PTN: variants seen among roughly 807,000 people sequenced by gnomAD.
The protein encoded by PTN is pleiotrophin.
PTN carries 18 observed loss-of-function variants against 24.1 expected under a neutral mutation model. The ratio of observed to expected loss-of-function variants is 0.75; its 90% confidence interval spans 0.52 to 1.11. PTN has a LOEUF of 1.11. PTN is among the 50% of genes least tolerant of loss of function. The pLI is 0.00. For synonymous variants in PTN, 78 were observed against 68.6 expected, an observed-to-expected ratio of 1.14 and a Z score of -0.67; for missense variants, 163 against 198.8, an observed-to-expected ratio of 0.82 and a Z score of 1.08.
At chr7:137,289,902 A>G (rs1164467549) in intron 1 of PTN, among the ~76,000 whole-genome samples, 2 of 152,210 alleles carry the variant, frequency 1.3e-5, no homozygotes, top group Non-Finnish European at 2.9e-5. Flanking sequence ...TGCGTTAATC[A>G]TAAGAATCGT....
At chr7:137,238,437 T>G (rs1808562343) in intron 4 of PTN, among the ~76,000 whole-genome samples, 1 of 152,188 alleles carries the variant, frequency 6.6e-6, no homozygotes, top group Non-Finnish European at 1.5e-5. Context: ...GTTTTCAGAG[T>G]AATTTTTATA....
chr7:137,257,718 C>A (rs918383998), intron 1 of PTN, among the ~76,000 whole-genome samples: 1 of 152,140 alleles, frequency 6.6e-6, no homozygotes, highest in South Asian at 2.1e-4. Flanking sequence ...TTAAAATTTA[C>A]CTGCATTTTC....
intron 1 of PTN, among the ~76,000 whole-genome samples, chr7:137,255,287 C>T (rs1033628028): frequency 6.6e-6 from 1 of 152,236 alleles, no homozygotes; most frequent in Non-Finnish European, 1.5e-5. Flanking sequence ...CATTTGAACA[C>T]AGTCCTACTG....
At chr7:137,233,400 T>C (rs906729037) in intron 4 of PTN, among the ~76,000 whole-genome samples, 7 of 151,932 alleles carry the variant, frequency 4.6e-5, no homozygotes, top group African/African-American at 1.7e-4. Context: ...TGAGATTATG[T>C]CCTCTGCAAT....
chr7:137,286,113 G>C (rs1809549611), intron 1 of PTN, among the ~76,000 whole-genome samples: 1 of 152,072 alleles, frequency 6.6e-6, no homozygotes, highest in African/African-American at 2.4e-5. Flanking sequence ...AGTCATTTAG[G>C]GTGGAGTCAA....
intron 1 of PTN, among the ~76,000 whole-genome samples, chr7:137,265,987 T>C (rs1246617641): frequency 6.6e-6 from 1 of 152,260 alleles, no homozygotes; most frequent in East Asian, 1.9e-4. Flanking sequence ...CTAGATAAGC[T>C]AAATTTTACT....
chr7:137,295,922 T>C (rs945654258), intron 1 of PTN, among the ~76,000 whole-genome samples: 21 of 152,014 alleles, frequency 1.4e-4, no homozygotes, highest in Admixed American at 1.2e-3. Flanking sequence ...CCTCTTTTTC[T>C]GCTTGAAAAG....
intron 1 of PTN, among the ~76,000 whole-genome samples, chr7:137,320,681 T>G (rs1810149159): frequency 6.6e-6 from 1 of 152,202 alleles, no homozygotes; most frequent in South Asian, 2.1e-4. Flanking sequence ...AAAAATGAAC[T>G]TTTATAACAT....
At chr7:137,320,225 G>A (rs867476058) in intron 1 of PTN, among the ~76,000 whole-genome samples, 54 of 152,012 alleles carry the variant, frequency 3.6e-4, no homozygotes, top group African/African-American at 1.3e-3. Flanking sequence ...ACCATAATTC[G>A]CCCACACATT....
chr7:137,285,190 T>A (rs866651733), intron 1 of PTN, among the ~76,000 whole-genome samples: 5 of 152,308 alleles, frequency 3.3e-5, no homozygotes, highest in African/African-American at 7.2e-5. Context: ...CTAAATTTCA[T>A]TTAATTTTTC....
intron 1 of PTN, among the ~76,000 whole-genome samples, chr7:137,337,606 A>T (rs946058495): frequency 2.0e-5 from 3 of 152,240 alleles, no homozygotes; most frequent in Non-Finnish European, 4.4e-5. Flanking sequence ...GGTTTTCTCC[A>T]TTCTGGAGGT....
At chr7:137,277,247 C>T (rs1042253135) in intron 1 of PTN, among the ~76,000 whole-genome samples, 1 of 152,148 alleles carries the variant, frequency 6.6e-6, no homozygotes, top group African/African-American at 2.4e-5. Flanking sequence ...CTCAACTAAC[C>T]AAAATTCACA....
chr7:137,240,896 C>T (rs1274295295), intron 4 of PTN, among the ~76,000 whole-genome samples: 2 of 152,154 alleles, frequency 1.3e-5, no homozygotes, highest in African/African-American at 4.8e-5. Context: ...GTGGTATAAC[C>T]TTGTGCTAGG....
chr7:137,333,210 T>C (rs1412949944), intron 1 of PTN, among the ~76,000 whole-genome samples: 1 of 152,176 alleles, frequency 6.6e-6, no homozygotes, highest in Non-Finnish European at 1.5e-5. Context: ...TGATGCCTGC[T>C]CCCTTTCACC....
intron 4 of PTN, among the ~76,000 whole-genome samples, chr7:137,248,709 A>C (rs999524132): frequency 6.6e-6 from 1 of 152,140 alleles, no homozygotes; most frequent in Non-Finnish European, 1.5e-5. Context: ...TTCTTTTTGC[A>C]GAGTGTCTCA....
In PTN at chr7:137,301,239, C is replaced by T. The variant is rs542125494; in HGVS notation, c.-2+42200G>A. Among the ~76,000 whole-genome samples, 3 of 151,832 alleles carry T rather than the reference C, an allele frequency of 2.0e-5. No homozygotes were observed. In the South Asian group the frequency reaches 6.2e-4, roughly 32 times the overall value. On this transcript the variant is annotated intron_variant, in intron 1 of 4. Coordinates refer to ENST00000348225, the MANE Select transcript of PTN (RefSeq NM_002825.7). Reference sequence around the variant, plus strand: ...ACTAAAGCAGGACTATAGGGAAAGACTGATATGAGGAAAATGCAGGAAAGA... The same window carrying T: ...ACTAAAGCAGGACTATAGGGAAAGATTGATATGAGGAAAATGCAGGAAAGA...
chr7:137,320,096 G>A (rs959837657), intron 1 of PTN, among the ~76,000 whole-genome samples: 7 of 152,072 alleles, frequency 4.6e-5, no homozygotes, highest in Non-Finnish European at 8.8e-5. Context: ...ATAAATATAC[G>A]CATTCATATT....
intron 1 of PTN, among the ~76,000 whole-genome samples, chr7:137,306,087 G>T (rs1429287314): frequency 6.6e-6 from 1 of 152,110 alleles, no homozygotes; most frequent in Non-Finnish European, 1.5e-5. Flanking sequence ...GCCACTGCCA[G>T]ATTCTCATTA....
intron 1 of PTN, among the ~76,000 whole-genome samples, chr7:137,296,462 G>A (rs1809719650): frequency 6.6e-6 from 1 of 152,046 alleles, no homozygotes; most frequent in South Asian, 2.1e-4. Flanking sequence ...AGGAGAAAGA[G>A]TAGAGACAAT....
Sources: gnomAD v4.1 joint callset for allele counts (sites outside exome capture counted in the v4.1 genomes callset) on GRCh38, gnomAD v4.1.1 for gene constraint, MANE v1.5 for transcripts, NCBI Gene and HGNC (gene_info 2026-07-23, HGNC 2026-07-21) for gene names.